SLC41A2: variants seen among roughly 807,000 people sequenced by gnomAD.
SLC41A2 encodes the protein solute carrier family 41 member 2.
In SLC41A2, 32 loss-of-function variants were observed where a neutral mutation model predicts 58.3. The observed-to-expected ratio is 0.55, with a 90% confidence interval of 0.41 to 0.74. The LOEUF is 0.74. Ranked by LOEUF, SLC41A2 falls within the 30% of genes least tolerant of loss-of-function variation. SLC41A2 has a pLI of 0.00. For synonymous variants in SLC41A2, 190 were observed against 235.0 expected, an observed-to-expected ratio of 0.81 and a Z score of 1.75; for missense variants, 514 against 680.6, an observed-to-expected ratio of 0.76 and a Z score of 2.72.
intron 6 of SLC41A2, among the ~76,000 whole-genome samples, chr12:104,871,864 A>G (rs2043796733): frequency 6.6e-6 from 1 of 152,232 alleles, no homozygotes; most frequent in South Asian, 2.1e-4. Context: ...TTATATCCTC[A>G]TAAGAGAAGG....
At chr12:104,911,976 G>GATA (rs923637918) in intron 2 of SLC41A2, among the ~76,000 whole-genome samples, 4 of 152,090 alleles carry the variant, frequency 2.6e-5, no homozygotes, top group Non-Finnish European at 4.4e-5. Context: ...ATGAATAACA[G>GATA]ATAATAATAA....
chr12:104,808,949 G>C (rs1479347769), intron 10 of SLC41A2, among the ~76,000 whole-genome samples: 1 of 152,146 alleles, frequency 6.6e-6, no homozygotes, highest in East Asian at 1.9e-4. Flanking sequence ...TTTGGGACTA[G>C]AAAGGATAAT....
At chr12:104,907,280 C>T (rs1341089382) in intron 3 of SLC41A2, among the ~76,000 whole-genome samples, 1 of 147,460 alleles carries the variant, frequency 6.8e-6, no homozygotes, top group Non-Finnish European at 1.5e-5. Flanking sequence ...TCATTGTATA[C>T]TTTTCTGCTT....
intron 3 of SLC41A2, among the ~76,000 whole-genome samples, chr12:104,902,946 C>A (rs2045629083): frequency 6.6e-6 from 1 of 152,152 alleles, no homozygotes; most frequent in Non-Finnish European, 1.5e-5. Context: ...AATAAAAATG[C>A]CGTAAACTAG....
At chr12:104,899,100 C>G (rs926835114) in intron 3 of SLC41A2, among the ~76,000 whole-genome samples, 4 of 152,128 alleles carry the variant, frequency 2.6e-5, no homozygotes, top group Non-Finnish European at 5.9e-5. Context: ...ACTCTTCACT[C>G]GAGAACTTCC....
At chr12:104,872,976 G>A (rs2043860066) in intron 6 of SLC41A2, among the ~76,000 whole-genome samples, 1 of 152,174 alleles carries the variant, frequency 6.6e-6, no homozygotes, top group South Asian at 2.1e-4. Flanking sequence ...CTACAGTCCA[G>A]TGATTTAACA....
At chr12:104,949,137 G>C (rs969978183) in intron 1 of SLC41A2, among the ~76,000 whole-genome samples, 3 of 152,148 alleles carry the variant, frequency 2.0e-5, no homozygotes, top group African/African-American at 7.2e-5. Flanking sequence ...AGAATCACTT[G>C]AACCCAGGAG....
Position 104,801,955 on chromosome 12 carries a change from T to C in SLC41A2, c.*3197A>G, listed in dbSNP as rs1380445003. Among the ~76,000 whole-genome samples, 1 of 151,986 alleles carries C rather than the reference T, an allele frequency of 6.6e-6. No individual in the cohort carries two copies. The highest frequency in any genetic ancestry group is 2.4e-5 in the African/African-American group (1 of 41,390). Reference sequence around the variant, plus strand: ...CTGGATAATTATTTCTTAAATTTTATTCTTTATTTGAGTTTAAAACAATTC... The same window carrying C: ...CTGGATAATTATTTCTTAAATTTTACTCTTTATTTGAGTTTAAAACAATTC... On this transcript the variant is annotated 3_prime_UTR_variant, in exon 11 of 11. Transcript: ENST00000258538.
chr12:104,844,823 G>T (rs1402042626), intron 9 of SLC41A2, among the ~76,000 whole-genome samples: 1 of 152,050 alleles, frequency 6.6e-6, no homozygotes, highest in Non-Finnish European at 1.5e-5. Context: ...TTAAATGAAA[G>T]GTGGTTGATA....
chr12:104,812,461 G>C (rs1317399036), intron 10 of SLC41A2, among the ~76,000 whole-genome samples: 1 of 152,174 alleles, frequency 6.6e-6, no homozygotes, highest in Non-Finnish European at 1.5e-5. Flanking sequence ...TCAAAATCCT[G>C]AGAGTGAAAT....
rs57548373 is a variant in SLC41A2, at chr12:104,866,381, TACAC to T, written c.1175+47_1175+50del. On this transcript the variant is annotated intron_variant, in intron 7 of 10. Coordinates refer to ENST00000258538, the MANE Select transcript of SLC41A2 (RefSeq NM_001352171.3). ...GAAGACACACAAAGACAGACAGACG[TACAC>T]ACACACACACACACACACACACACA... 0.02 allele frequency: 28,846 copies of T among 1,414,436 alleles called. 97 individuals are homozygous for T. The highest frequency in any genetic ancestry group is 0.13 in the East Asian group (5,082 of 40,180). The allele number at this position is 1,414,436 out of a possible 1,614,324, so 87.6% of individuals were successfully genotyped here.
chr12:104,952,216 G>T (rs1275869706), intron 1 of SLC41A2, among the ~76,000 whole-genome samples: 1 of 152,098 alleles, frequency 6.6e-6, no homozygotes, highest in African/African-American at 2.4e-5. Flanking sequence ...AATATTAAAG[G>T]TATTTAGACT....
chr12:104,805,384 G>T lies in SLC41A2; in HGVS notation c.1537-47C>A, dbSNP rs184875003. On this transcript the variant is annotated intron_variant, in intron 10 of 10. Transcript: ENST00000258538. ...TACTCCGGCTGCCTGGACATTCCTAGCCCATGAAACATGGCCACAAGCCTA... is the reference window on the plus strand; with the variant it reads ...TACTCCGGCTGCCTGGACATTCCTATCCCATGAAACATGGCCACAAGCCTA... The T allele has an allele frequency of 2.5e-4, 390 of 1,532,814 alleles. 1 individual carries two copies. The African/African-American group carries it at 5.1e-3, about 20-fold the overall frequency. The allele number at this position is 1,532,814 out of a possible 1,614,324, so 95.0% of individuals were successfully genotyped here. A position where few individuals can be genotyped will look rare whatever the true frequency, so the allele number is the denominator to read the frequency against.
chr12:104,949,104 G>C (rs2047854977), intron 1 of SLC41A2, among the ~76,000 whole-genome samples: 1 of 152,154 alleles, frequency 6.6e-6, no homozygotes. Context: ...TGTAATCCCA[G>C]CTACTTGGGA....
intron 6 of SLC41A2, among the ~76,000 whole-genome samples, chr12:104,881,256 CA>C (rs1197417518): frequency 6.6e-6 from 1 of 151,728 alleles, no homozygotes; most frequent in East Asian, 1.9e-4. Context: ...TTGATCTTTT[CA>C]AAAAACCAGC....
chr12:104,910,257 G>A (rs2046024232), intron 2 of SLC41A2, among the ~76,000 whole-genome samples: 1 of 152,160 alleles, frequency 6.6e-6, no homozygotes, highest in Admixed American at 6.5e-5. Context: ...ATGGGACCTA[G>A]AGTTGACCCC....
intron 1 of SLC41A2, among the ~76,000 whole-genome samples, chr12:104,954,544 G>A (rs909243934): frequency 5.9e-5 from 9 of 152,186 alleles, no homozygotes; most frequent in Non-Finnish European, 1.3e-4. Context: ...CAGGATATTT[G>A]TATATCCATT....
At chr12:104,915,336 T>C (rs534278464) in intron 2 of SLC41A2, among the ~76,000 whole-genome samples, 169 of 152,350 alleles carry the variant, frequency 1.1e-3, no homozygotes, top group Middle Eastern at 6.8e-3. Flanking sequence ...CATTTAAACT[T>C]AGTTTGAAAA....
At chr12:104,906,781 C>T (rs1244155142) in intron 3 of SLC41A2, among the ~76,000 whole-genome samples, 2 of 152,024 alleles carry the variant, frequency 1.3e-5, no homozygotes, top group African/African-American at 2.4e-5. Flanking sequence ...ATGTTAAAAG[C>T]CCAGCTGTCT....
Sources: gnomAD v4.1 joint callset for allele counts (sites outside exome capture counted in the v4.1 genomes callset) on GRCh38, gnomAD v4.1.1 for gene constraint, MANE v1.5 for transcripts, NCBI Gene and HGNC (gene_info 2026-07-23, HGNC 2026-07-21) for gene names.